Variants in TSC2 observed in about 807,000 individuals in gnomAD.
TSC2 encodes tuberin.
TSC2 carries 29 observed loss-of-function variants against 202.2 expected under a neutral mutation model. That is an observed-to-expected ratio of 0.14 (90% CI 0.11 to 0.20). The LOEUF (loss-of-function observed/expected upper bound fraction) is 0.20. Ranked by LOEUF, TSC2 falls within the 10% of genes least tolerant of loss-of-function variation. TSC2 has a pLI of 1.00. For synonymous variants in TSC2, 1,349 were observed against 1,044.0 expected, an observed-to-expected ratio of 1.29 and a Z score of -5.63; for missense variants, 2,429 against 2,420.0, an observed-to-expected ratio of 1.00 and a Z score of -0.08.
chr16:2,070,155 C>T (rs1437046517), intron 16 of TSC2, among the ~76,000 whole-genome samples: 1 of 152,136 alleles, frequency 6.6e-6, no homozygotes, highest in Admixed American at 6.5e-5. Flanking sequence ...CCTGGGATCG[C>T]CCTGCAGCAC....
At chr16:2,086,929 C>T (rs1013709240) in intron 38 of TSC2, 58 bp downstream of exon 38, 32 of 1,548,454 alleles carry the variant, frequency 2.1e-5, no homozygotes, top group African/African-American at 1.5e-4. Flanking sequence ...TGCTGTGTCC[C>T]GGGTTGGTGG....
At position 2,075,525 on chromosome 16, in the gene TSC2, C is replaced by CAAAA. The variant is rs933350142; in HGVS notation, c.2546-252_2546-249dup. Among the ~76,000 whole-genome samples the CAAAA allele has an allele frequency of 1.1e-3, 29 of 27,290 alleles. 3 individuals carry two copies. The highest frequency in any genetic ancestry group is 3.6e-3 in the African/African-American group (28 of 7,884). The allele number at this position is 27,290 out of a possible 152,430, so 17.9% of individuals were successfully genotyped here. A position where few individuals can be genotyped will look rare whatever the true frequency, so the allele number is the denominator to read the frequency against. On this transcript the variant is annotated intron_variant, in intron 22 of 41. Transcript: ENST00000219476. ...CTGGGCGACAGAGCCAGACTCATCT[C>CAAAA]AAAAAAAAAAAAAAAAAAAAAAAAA...
chr16:2,072,803 G>T, intron 20 of TSC2, 46 bp from the exon 21 acceptor site: 2 of 1,612,608 alleles, frequency 1.2e-6, no homozygotes, highest in Non-Finnish European at 8.5e-7. Flanking sequence ...GCTACCCCGT[G>T]ACCTGGCCGC....
rs575240753 is a variant in TSC2, at chr16:2,064,540, G to A, written c.1599+113G>A. The A allele has an allele frequency of 5.4e-5, 83 of 1,527,794 alleles. No homozygotes were observed. In the African/African-American group the frequency reaches 9.4e-4, roughly 17 times the overall value. The allele number at this position is 1,527,794 out of a possible 1,614,324, so 94.6% of individuals were successfully genotyped here. A position where few individuals can be genotyped will look rare whatever the true frequency, so the allele number is the denominator to read the frequency against. The stretch of plus-strand genomic sequence containing the variant: ...GAGTGACCGGATGGCTGTGTCCGTA[G>A]GTGAGGCTCCCCTCCCTGCAGGGTG... On this transcript the variant is annotated intron_variant, in intron 15 of 41. Transcript: ENST00000219476.
chr16:2,078,990 C>A, intron 26 of TSC2, 42 bp from the exon 27 acceptor site: 1 of 1,610,582 alleles, frequency 6.2e-7, no homozygotes, highest in South Asian at 1.1e-5. Context: ...CTCGGCCCGC[C>A]CTACCTGGCA....
At chr16:2,087,522 T>C (rs1479550576) in intron 38 of TSC2, among the ~76,000 whole-genome samples, 2 of 133,382 alleles carry the variant, frequency 1.5e-5, no homozygotes, top group African/African-American at 5.4e-5. Context: ...GAGGAGGGTG[T>C]GGTGGTGCCG....
chr16:2,080,309 C>G lies in TSC2; in HGVS notation c.3542C>G (p.Thr1181Arg), dbSNP rs373481458. ...ACCCGGGTTCCTGTGCAGGAGAAGA[C>G]GAACCTGGCGGCCTATGTGCCCCTG... ...AGTRVPVQEK[T>R]NLAAYVPLLT... Residue 1181 changes from threonine to arginine, a missense_variant, in exon 30 of 42, where the codon ACG becomes AGG. Physicochemically the swap from Thr to Arg is moderately conservative, Grantham distance 71. Coordinates refer to ENST00000219476, the MANE Select transcript of TSC2 (RefSeq NM_000548.5). The G allele has an allele frequency of 2.5e-6, 4 of 1,612,760 alleles. No individual in the cohort carries two copies. The highest frequency in any genetic ancestry group is 1.3e-5 in the African/African-American group (1 of 74,922).
At chr16:2,073,510 G>A (rs1446485361) in intron 21 of TSC2, among the ~76,000 whole-genome samples, 4 of 152,238 alleles carry the variant, frequency 2.6e-5, no homozygotes, top group South Asian at 2.1e-4. Context: ...GGCCATGCCC[G>A]CCAGGAGATG....
intron 38 of TSC2, among the ~76,000 whole-genome samples, chr16:2,087,381 A>G (rs1450335703): frequency 6.6e-6 from 1 of 151,190 alleles, no homozygotes; most frequent in African/African-American, 2.4e-5. Context: ...GGGCCCCAGG[A>G]TGCTGAGGCA....
At position 2,060,820 on chromosome 16, in the gene TSC2, T is replaced by TG. The variant is rs750078037; in HGVS notation, c.1119+12dup. 22 of 1,612,486 alleles carry TG rather than the reference T, an allele frequency of 1.4e-5. No individual in the cohort carries two copies. In the African/African-American group the frequency reaches 2.7e-4, roughly 20 times the overall value. ...GCTCCTTCAGCAGCTCCAGGTGGGG[T>TG]GGGGGCAGGAGCTCCGGGGAGCACC... On this transcript the variant is annotated splice_region_variant and intron_variant, in intron 11 of 41. Coordinates refer to ENST00000219476, the MANE Select transcript of TSC2 (RefSeq NM_000548.5).
chr16:2,080,373 C>T lies in TSC2; in HGVS notation c.3606C>T (p.Pro1202=), dbSNP rs772580979. ...QGWAEILVRR[P]TGNTSWLMSL... is the part of the protein sequence containing the mutation. ...GGGCGGAGATCCTGGTCCGGAGGCC[C>T]ACAGGTACTGGGCGGGGCTGGCCTG... The change falls in exon 30 of 42, where the codon CCC becomes CCT. Residue 1202 remains proline (P), a synonymous_variant. Transcript: ENST00000219476. 20 of 1,611,482 alleles carry T rather than the reference C, an allele frequency of 1.2e-5. No individual in the cohort carries two copies. The East Asian group carries it at 4.2e-4, about 34-fold the overall frequency.
At chr16:2,072,559 CT>C in intron 20 of TSC2, 196 bp downstream of exon 20, 5 of 914,034 alleles carry the variant, frequency 5.5e-6, no homozygotes, top group Non-Finnish European at 8.1e-6. Context: ...GCTTTTGGGA[CT>C]GACGTCAGAG....
chr16:2,048,591 G>T lies in TSC2; in HGVS notation c.-25G>T, dbSNP rs142792781. On this transcript the variant is annotated 5_prime_UTR_variant, in exon 2 of 42. Coordinates refer to ENST00000219476, the MANE Select transcript of TSC2 (RefSeq NM_000548.5). ...ATTCCTGTTTCGTTTGCACAGAGGGGTTTTCTGGTGCGTCCTGGTCCACCA... is the reference window on the plus strand; with the variant it reads ...ATTCCTGTTTCGTTTGCACAGAGGGTTTTTCTGGTGCGTCCTGGTCCACCA... The T allele has an allele frequency of 2.4e-5, 39 of 1,613,574 alleles. No individual in the cohort carries two copies. The highest frequency in any genetic ancestry group is 3.1e-5 in the Non-Finnish European group (36 of 1,180,038).
At chr16:2,065,753 C>A in intron 16 of TSC2, 118 bp downstream of exon 16, 1 of 930,458 alleles carries the variant, frequency 1.1e-6, no homozygotes, top group South Asian at 1.3e-5. Context: ...CCTGGATTTG[C>A]TGAGGGTGCG....
At position 2,076,062 on chromosome 16, in the gene TSC2, T is replaced by C; in HGVS notation, c.2640-6T>C. Reference sequence around the variant, plus strand: ...GGATGGAGTGCCAGCCCCCTTCTCATCTCAGGTTTAATCAGTACATCGTGT... The same window carrying C: ...GGATGGAGTGCCAGCCCCCTTCTCACCTCAGGTTTAATCAGTACATCGTGT... On this transcript the variant is annotated splice_polypyrimidine_tract_variant and splice_region_variant and intron_variant, in intron 23 of 41. Transcript: ENST00000219476. 1 of 1,613,918 alleles carries C rather than the reference T, an allele frequency of 6.2e-7. No individual in the cohort carries two copies. Among genetic ancestry groups the C allele is most frequent in the African/African-American group, 1.3e-5 (1 of 75,040 alleles).
chr16:2,070,370 C>G, intron 16 of TSC2, 86 bp from the exon 17 acceptor site: 4 of 1,610,130 alleles, frequency 2.5e-6, no homozygotes, highest in Non-Finnish European at 3.4e-6. Context: ...AGCAGCCGCC[C>G]CGGCCCCTGC....
At chr16:2,070,024 C>G (rs993033893) in intron 16 of TSC2, among the ~76,000 whole-genome samples, 1 of 152,176 alleles carries the variant, frequency 6.6e-6, no homozygotes, top group African/African-American at 2.4e-5. Flanking sequence ...TCCCTCAGGC[C>G]AGATTTCCCC....
At chr16:2,051,910 C>A (rs1187738493) in intron 3 of TSC2, among the ~76,000 whole-genome samples, 5 of 152,134 alleles carry the variant, frequency 3.3e-5, no homozygotes, top group Non-Finnish European at 7.4e-5. Context: ...ACTAAAGATA[C>A]AAAAATTAGC....
At chr16:2,054,784 C>T (rs1480857680) in intron 5 of TSC2, 3 of 408,484 alleles carry the variant, frequency 7.3e-6, no homozygotes, top group Admixed American at 3.8e-5. Flanking sequence ...TCCCGTCTTC[C>T]TCCTCCTTTC....
Sources: allele counts gnomAD v4.1 joint callset (sites outside exome capture counted in the v4.1 genomes callset), GRCh38; gene constraint gnomAD v4.1.1; transcripts MANE v1.5; gene names NCBI Gene and HGNC (gene_info 2026-07-23, HGNC 2026-07-21).